The following TMTC4 variants were observed in gnomAD, a reference collection of about 807,000 sequenced individuals.
TMTC4 encodes the protein transmembrane O-mannosyltransferase targeting cadherins 4, also known as protein O-mannosyl-transferase TMTC4.
Under a neutral mutation model 86.0 loss-of-function variants are expected in TMTC4, and 65 were observed. The ratio of observed to expected loss-of-function variants is 0.76; its 90% confidence interval spans 0.62 to 0.93. The LOEUF (loss-of-function observed/expected upper bound fraction) is 0.93. TMTC4 is among the 40% of genes least tolerant of loss of function. The pLI is 0.00. For synonymous variants in TMTC4, 379 were observed against 382.5 expected, an observed-to-expected ratio of 0.99 and a Z score of 0.11; for missense variants, 866 against 948.1, an observed-to-expected ratio of 0.91 and a Z score of 1.14.
chr13:100,606,333 G>T (rs765770734), intron 18 of TMTC4, 25 bp downstream of exon 18: 1 of 1,605,204 alleles, frequency 6.2e-7, no homozygotes, highest in South Asian at 1.1e-5. Flanking sequence ...ATTTCAACAC[G>T]ATTCAAGTTG....
intron 6 of TMTC4, among the ~76,000 whole-genome samples, chr13:100,645,537 C>G (rs1883610275): frequency 1.3e-5 from 2 of 151,248 alleles, no homozygotes; most frequent in Admixed American, 1.3e-4. Context: ...CTCCATGTCC[C>G]TGACTGCCCC....
At chr13:100,660,915 A>G (rs556720004) in intron 5 of TMTC4, among the ~76,000 whole-genome samples, 13 of 152,222 alleles carry the variant, frequency 8.5e-5, no homozygotes, top group Non-Finnish European at 1.6e-4. Context: ...CGGCCTCCCG[A>G]AGTGCTGTGA....
intron 12 of TMTC4, among the ~76,000 whole-genome samples, chr13:100,632,147 T>C (rs4772318): frequency 0.18 from 27,747 of 151,516 alleles, 2,850 homozygotes; most frequent in Admixed American, 0.24. Context: ...CTGTGTTTTC[T>C]AGCCTGTAAC....
chr13:100,635,703 C>G (rs1594298742), intron 10 of TMTC4: 1 of 153,218 alleles, frequency 6.5e-6, no homozygotes, highest in Admixed American at 6.5e-5. Flanking sequence ...TACATCACCA[C>G]CATAAATTTC....
intron 6 of TMTC4, among the ~76,000 whole-genome samples, chr13:100,642,692 T>C (rs1883187794): frequency 6.6e-6 from 1 of 152,088 alleles, no homozygotes; most frequent in African/African-American, 2.4e-5. Flanking sequence ...GTCCATCTGG[T>C]TTCAAGATGA....
intron 7 of TMTC4, among the ~76,000 whole-genome samples, chr13:100,640,407 T>C (rs1218049398): frequency 6.6e-6 from 1 of 152,208 alleles, no homozygotes; most frequent in Non-Finnish European, 1.5e-5. Context: ...CAAGTATCTT[T>C]CTATGGTAAT....
chr13:100,670,687 G>A lies in TMTC4; in HGVS notation c.-207-118C>T, dbSNP rs1456409806. The A allele has an allele frequency of 5.2e-5, 15 of 287,382 alleles. 1 individual carries two copies. Among genetic ancestry groups the A allele is most frequent in the East Asian group, 4.7e-4 (7 of 14,838 alleles). The allele number at this position is 287,382 out of a possible 1,614,324, so 17.8% of individuals were successfully genotyped here. ...ATCAAGGCTGGTTGCAATGGCTCACGCCTGTAATCCCAGCACTTTGGGAGG... is the reference window on the plus strand; with the variant it reads ...ATCAAGGCTGGTTGCAATGGCTCACACCTGTAATCCCAGCACTTTGGGAGG... On this transcript the variant is annotated intron_variant, in intron 1 of 18. Coordinates refer to ENST00000342624, the MANE Select transcript of TMTC4 (RefSeq NM_032813.5).
At chr13:100,629,010 G>A (rs769578507) in intron 12 of TMTC4, among the ~76,000 whole-genome samples, 4 of 152,074 alleles carry the variant, frequency 2.6e-5, no homozygotes, top group Non-Finnish European at 5.9e-5. Flanking sequence ...TTAGCTGGGT[G>A]TGGTAGTGCA....
intron 12 of TMTC4, among the ~76,000 whole-genome samples, chr13:100,630,002 G>A (rs1157459755): frequency 6.7e-6 from 1 of 150,022 alleles, no homozygotes; most frequent in African/African-American, 2.5e-5. Flanking sequence ...AATTAACTGT[G>A]GTCTAAGCCA....
chr13:100,654,984 T>C (rs1884900097), intron 6 of TMTC4, among the ~76,000 whole-genome samples: 1 of 151,568 alleles, frequency 6.6e-6, no homozygotes, highest in South Asian at 2.1e-4. Context: ...TCAGAAACTT[T>C]AGAGTTGTCT....
chr13:100,616,601 C>T (rs1878544287), intron 15 of TMTC4, among the ~76,000 whole-genome samples: 1 of 152,218 alleles, frequency 6.6e-6, no homozygotes, highest in African/African-American at 2.4e-5. Context: ...AATCTCTAAA[C>T]TGCTTTTCAC....
At chr13:100,650,783 G>A (rs1457859142) in intron 6 of TMTC4, among the ~76,000 whole-genome samples, 2 of 152,234 alleles carry the variant, frequency 1.3e-5, no homozygotes, top group Non-Finnish European at 2.9e-5. Context: ...AGTCAGCAAT[G>A]GCCCCAAATT....
In TMTC4 at chr13:100,662,925, C is replaced by T; in HGVS notation, c.552+39G>A. Reference sequence around the variant, plus strand: ...GCGACATGGGGGTGTCATATCGCTTCTCACGTGCATACAGATGCCTCGGGC... The same window carrying T: ...GCGACATGGGGGTGTCATATCGCTTTTCACGTGCATACAGATGCCTCGGGC... On this transcript the variant is annotated intron_variant, in intron 5 of 18. Coordinates refer to ENST00000342624, the MANE Select transcript of TMTC4 (RefSeq NM_032813.5). 11 of 1,608,686 alleles carry T rather than the reference C, an allele frequency of 6.8e-6. 1 individual carries two copies. The South Asian group carries it at 1.2e-4, about 18-fold the overall frequency.
chr13:100,669,836 A>G (rs1350720853), intron 2 of TMTC4, among the ~76,000 whole-genome samples: 1 of 152,146 alleles, frequency 6.6e-6, no homozygotes, highest in African/African-American at 2.4e-5. Context: ...TACCAGGATC[A>G]GGTTTGGGTA....
At chr13:100,656,521 T>C in intron 5 of TMTC4, 53 bp from the exon 6 acceptor site, 1 of 958,572 alleles carries the variant, frequency 1.0e-6, no homozygotes. Context: ...TTTAAGGAAA[T>C]CCTAAACTTA....
chr13:100,627,785 G>A (rs2138821864), intron 12 of TMTC4, among the ~76,000 whole-genome samples: 1 of 152,306 alleles, frequency 6.6e-6, no homozygotes, highest in Middle Eastern at 3.4e-3. Flanking sequence ...CCAGGGGTGG[G>A]AGGGTGGCAG....
chr13:100,640,126 T>C (rs1010018731), intron 7 of TMTC4, among the ~76,000 whole-genome samples: 3 of 151,902 alleles, frequency 2.0e-5, no homozygotes, highest in African/African-American at 7.3e-5. Context: ...AAACCACACT[T>C]CGTATTAGGG....
intron 3 of TMTC4, among the ~76,000 whole-genome samples, chr13:100,665,160 A>T (rs1014479641): frequency 8.5e-5 from 13 of 152,246 alleles, no homozygotes; most frequent in Admixed American, 3.3e-4. Context: ...TTGGTACTAT[A>T]CTACAGATGT....
chr13:100,629,857 A>G (rs1457128502), intron 12 of TMTC4, among the ~76,000 whole-genome samples: 1 of 152,100 alleles, frequency 6.6e-6, no homozygotes, highest in South Asian at 2.1e-4. Flanking sequence ...CACCAGAGAT[A>G]TGTGTGCACA....
Sources: allele counts gnomAD v4.1 joint callset (sites outside exome capture counted in the v4.1 genomes callset), GRCh38; gene constraint gnomAD v4.1.1; transcripts MANE v1.5; gene names NCBI Gene and HGNC (gene_info 2026-07-23, HGNC 2026-07-21).